Variants in KCNJ3 observed in about 807,000 individuals in gnomAD.
KCNJ3 encodes G protein-activated inward rectifier potassium channel 1.
KCNJ3 carries 4 observed loss-of-function variants against 39.2 expected under a neutral mutation model. The observed-to-expected ratio is 0.10, with a 90% CI of 0.05 to 0.23. KCNJ3 has a LOEUF of 0.23. KCNJ3 is among the 10% of genes least tolerant of loss of function. The pLI, the probability that KCNJ3 is intolerant of heterozygous loss-of-function variation, is 1.00. For missense variants in KCNJ3, 276 were observed against 634.9 expected, an observed-to-expected ratio of 0.43 and a Z score of 6.08; for synonymous variants, 230 against 237.4, an observed-to-expected ratio of 0.97 and a Z score of 0.29.
At chr2:154,746,157 T>A (rs1209520959) in intron 2 of KCNJ3, among the ~76,000 whole-genome samples, 6 of 152,108 alleles carry the variant, frequency 3.9e-5, no homozygotes, top group African/African-American at 9.7e-5. Context: ...GATGGTTTTT[T>A]AATAATATTT....
At chr2:154,729,542 CTTG>C (rs975815575) in intron 2 of KCNJ3, among the ~76,000 whole-genome samples, 1 of 152,054 alleles carries the variant, frequency 6.6e-6, no homozygotes, top group African/African-American at 2.4e-5. Flanking sequence ...TTTAGGCCTT[CTTG>C]TTGTTGTTCT....
intron 2 of KCNJ3, among the ~76,000 whole-genome samples, chr2:154,770,896 T>TC (rs1293376570): frequency 2.0e-5 from 3 of 148,156 alleles, no homozygotes; most frequent in Non-Finnish European, 3.0e-5. Flanking sequence ...CTTTTTCTTT[T>TC]TTTTTTTTTT....
At position 154,782,656 on chromosome 2, in the gene KCNJ3, G is replaced by A. The variant is rs565063383; in HGVS notation, c.920-72071G>A. On this transcript the variant is annotated intron_variant, in intron 2 of 2. Transcript: ENST00000295101. ...TCCCCAACTGCTTGTCTAGTGCCAT[G>A]CATGACAATAATAAAGTGTTCTCTC... 2.2e-4 allele frequency among the ~76,000 whole-genome samples: 33 copies of A among 152,124 alleles called. 1 individual carries two copies. Among genetic ancestry groups the A allele is most frequent in the African/African-American group, 7.7e-4 (32 of 41,504 alleles).
chr2:154,725,014 T>G (rs1685329338), intron 2 of KCNJ3, among the ~76,000 whole-genome samples: 2 of 149,930 alleles, frequency 1.3e-5, no homozygotes, highest in Non-Finnish European at 3.0e-5. Context: ...GCTTTTAGTG[T>G]TTCCCTTGGG....
chr2:154,730,654 C>T (rs555531879), intron 2 of KCNJ3, among the ~76,000 whole-genome samples: 1 of 151,902 alleles, frequency 6.6e-6, no homozygotes, highest in Admixed American at 6.6e-5. Context: ...TTTTTAACTA[C>T]CAATGAATTT....
At chr2:154,784,762 T>G (rs1015192385) in intron 2 of KCNJ3, among the ~76,000 whole-genome samples, 15 of 152,192 alleles carry the variant, frequency 9.9e-5, no homozygotes, top group African/African-American at 3.4e-4. Flanking sequence ...AGCAAAGTTG[T>G]GCTATCTACA....
intron 2 of KCNJ3, among the ~76,000 whole-genome samples, chr2:154,774,687 A>G (rs1051861443): frequency 3.9e-5 from 6 of 152,184 alleles, no homozygotes. Flanking sequence ...AAAAAACCTT[A>G]AAATTCTGAA....
At chr2:154,724,073 A>G (rs1232040324) in intron 2 of KCNJ3, among the ~76,000 whole-genome samples, 2 of 152,150 alleles carry the variant, frequency 1.3e-5, no homozygotes, top group African/African-American at 4.8e-5. Context: ...TCTTTAATAA[A>G]GAAAAGAATG....
At chr2:154,715,084 C>T (rs1305156106) in intron 2 of KCNJ3, among the ~76,000 whole-genome samples, 1 of 152,122 alleles carries the variant, frequency 6.6e-6, no homozygotes, top group Non-Finnish European at 1.5e-5. Flanking sequence ...ATTACAAATG[C>T]TCCAAGGGGG....
At chr2:154,826,909 A>T (rs1452167991) in intron 2 of KCNJ3, among the ~76,000 whole-genome samples, 1 of 152,122 alleles carries the variant, frequency 6.6e-6, no homozygotes, top group East Asian at 1.9e-4. Flanking sequence ...AGAATTTTGG[A>T]CTTACTAAGT....
chr2:154,746,575 G>A (rs1424449155), intron 2 of KCNJ3, among the ~76,000 whole-genome samples: 1 of 149,642 alleles, frequency 6.7e-6, no homozygotes, highest in Non-Finnish European at 1.5e-5. Context: ...TGTCTATATG[G>A]AGGGTCAACT....
At chr2:154,726,044 C>T (rs1685352535) in intron 2 of KCNJ3, among the ~76,000 whole-genome samples, 3 of 152,014 alleles carry the variant, frequency 2.0e-5, no homozygotes, top group Admixed American at 1.3e-4. Context: ...CTAGACATTG[C>T]CTTAGGAAAA....
chr2:154,720,793 T>C (rs1685253232), intron 2 of KCNJ3, among the ~76,000 whole-genome samples: 1 of 152,172 alleles, frequency 6.6e-6, no homozygotes, highest in Non-Finnish European at 1.5e-5. Flanking sequence ...GTATGAGCTT[T>C]CAGCACTATT....
chr2:154,781,808 T>C (rs1350868165), intron 2 of KCNJ3, among the ~76,000 whole-genome samples: 2 of 152,204 alleles, frequency 1.3e-5, no homozygotes, highest in Non-Finnish European at 2.9e-5. Context: ...ATGTGGAGTA[T>C]ATCTGTGACT....
intron 2 of KCNJ3, among the ~76,000 whole-genome samples, chr2:154,840,232 C>T (rs562179569): frequency 3.3e-5 from 5 of 152,190 alleles, no homozygotes; most frequent in African/African-American, 1.2e-4. Context: ...TCAGGTTTGT[C>T]AAAGATCAGA....
chr2:154,766,347 G>A (rs975732162), intron 2 of KCNJ3, among the ~76,000 whole-genome samples: 2 of 152,132 alleles, frequency 1.3e-5, no homozygotes, highest in South Asian at 4.2e-4. Flanking sequence ...TTCATGCCAT[G>A]ATATATCATT....
intron 2 of KCNJ3, among the ~76,000 whole-genome samples, chr2:154,815,268 G>C (rs971423948): frequency 6.6e-6 from 1 of 151,776 alleles, no homozygotes; most frequent in African/African-American, 2.4e-5. Flanking sequence ...ATCCTAAAAA[G>C]GTAAACATAC....
At position 154,836,805 on chromosome 2, in the gene KCNJ3, T is replaced by C. The variant is rs560326931; in HGVS notation, c.920-17922T>C. On this transcript the variant is annotated intron_variant, in intron 2 of 2. Transcript: ENST00000295101. ...GCATAGAACCAGAACAACTGCTGAA[T>C]TGCAAATATTTATTCAGGCCCTGTT... 3.3e-5 allele frequency among the ~76,000 whole-genome samples: 5 copies of C among 152,290 alleles called. No individual in the cohort carries two copies. In the South Asian group the frequency reaches 6.2e-4, roughly 19 times the overall value.
chr2:154,754,299 C>G (rs1447971215), intron 2 of KCNJ3, among the ~76,000 whole-genome samples: 1 of 152,010 alleles, frequency 6.6e-6, no homozygotes, highest in Non-Finnish European at 1.5e-5. Context: ...AACGGAGTTT[C>G]TCTGTTGTTG....
Sources: gnomAD v4.1 joint callset for allele counts (sites outside exome capture counted in the v4.1 genomes callset) on GRCh38, gnomAD v4.1.1 for gene constraint, MANE v1.5 for transcripts, NCBI Gene and HGNC (gene_info 2026-07-23, HGNC 2026-07-21) for gene names.